Variants in MAP3K2 observed in about 807,000 individuals in gnomAD.
MAP3K2 encodes MAP/ERK kinase kinase 2.
In MAP3K2, 24 loss-of-function variants were observed where a neutral mutation model predicts 80.3. The observed-to-expected ratio is 0.30, with a 90% CI of 0.22 to 0.42. The LOEUF is 0.42. MAP3K2 is among the 10% of genes least tolerant of loss of function. The pLI, the probability that MAP3K2 is intolerant of heterozygous loss-of-function variation, is 1.00. For synonymous variants in MAP3K2, 244 were observed against 253.7 expected (o/e 0.96, Z 0.36); for missense variants, 608 against 750.1 (o/e 0.81, Z 2.21).
At chr2:127,348,996 C>T (rs1686644274) in intron 1 of MAP3K2, among the ~76,000 whole-genome samples, 1 of 152,100 alleles carries the variant, frequency 6.6e-6, no homozygotes, top group African/African-American at 2.4e-5. Context: ...ACAAAAACAA[C>T]CATGTTATCC....
At chr2:127,320,271 G>A (rs947434587) in intron 12 of MAP3K2, among the ~76,000 whole-genome samples, 1 of 152,170 alleles carries the variant, frequency 6.6e-6, no homozygotes, top group Non-Finnish European at 1.5e-5. Context: ...ATGAACAGAT[G>A]GTGAACAGAG....
At position 127,308,579 on chromosome 2, in the gene MAP3K2, A is replaced by C; in HGVS notation, c.1634+6T>G. The C allele has an allele frequency of 6.5e-7, 1 of 1,546,226 alleles. No homozygotes were observed. Among genetic ancestry groups the C allele is most frequent in the Non-Finnish European group, 8.8e-7 (1 of 1,137,046 alleles). On this transcript the variant is annotated splice_donor_region_variant and intron_variant, in intron 16 of 16. Coordinates refer to ENST00000682094, the MANE Select transcript of MAP3K2 (RefSeq NM_001371910.2). ...GTTTTCAAGCAAACTTCGTATCAAA[A>C]CCTACCAGATGTCTGCTTTTCTTCC... is the stretch of plus-strand genomic sequence containing the variant.
At chr2:127,313,222 C>T (rs545023573) in intron 15 of MAP3K2, among the ~76,000 whole-genome samples, 8 of 152,306 alleles carry the variant, frequency 5.3e-5, no homozygotes, top group South Asian at 2.1e-4. Flanking sequence ...AAGATCCACT[C>T]GGCGGGTAGC....
At position 127,305,129 on chromosome 2, in the gene MAP3K2, T is replaced by A. The variant is rs946189933; in HGVS notation, c.*2450A>T. 3.3e-5 allele frequency: 5 copies of A among 152,528 alleles called. No individual in the cohort carries two copies. The East Asian group carries it at 7.7e-4, about 24-fold the overall frequency. The allele number at this position is 152,528 out of a possible 1,614,324, so 9.4% of individuals were successfully genotyped here. A position where few individuals can be genotyped will look rare whatever the true frequency, so the allele number is the denominator to read the frequency against. On this transcript the variant is annotated 3_prime_UTR_variant, in exon 17 of 17. Coordinates refer to ENST00000682094, the MANE Select transcript of MAP3K2 (RefSeq NM_001371910.2). Reference sequence around the variant, plus strand: ...GTTCTACAGTCTCACCAGATTTCTCTCTAAAGAGCATTTGTCTCATATTGT... The same window carrying A: ...GTTCTACAGTCTCACCAGATTTCTCACTAAAGAGCATTTGTCTCATATTGT...
At chr2:127,326,662 T>C in intron 8 of MAP3K2, 25 bp downstream of exon 8, 1 of 1,504,242 alleles carries the variant, frequency 6.6e-7, no homozygotes, top group Non-Finnish European at 8.9e-7. Flanking sequence ...TTAAATTAAA[T>C]TTAAAAAATC....
At chr2:127,379,417 G>A (rs1396337707) in intron 1 of MAP3K2, among the ~76,000 whole-genome samples, 2 of 152,146 alleles carry the variant, frequency 1.3e-5, no homozygotes, top group African/African-American at 4.8e-5. Context: ...TTTTACAGAG[G>A]AGTGAGGCTT....
intron 1 of MAP3K2, among the ~76,000 whole-genome samples, chr2:127,350,862 T>C (rs199816360): frequency 5.3e-5 from 8 of 151,884 alleles, no homozygotes; most frequent in East Asian, 1.9e-4. Flanking sequence ...ATTAAAATCA[T>C]GTACCTAACT....
intron 1 of MAP3K2, among the ~76,000 whole-genome samples, chr2:127,368,464 T>C (rs934416221): frequency 6.6e-6 from 1 of 151,286 alleles, no homozygotes; most frequent in Non-Finnish European, 1.5e-5. Context: ...CTACTAAAAA[T>C]ACAAAAAATT....
At chr2:127,358,593 C>T (rs545122855) in intron 1 of MAP3K2, among the ~76,000 whole-genome samples, 1 of 152,278 alleles carries the variant, frequency 6.6e-6, no homozygotes, top group Non-Finnish European at 1.5e-5. Context: ...TATCAAGTCA[C>T]AGAAAAGTCA....
In MAP3K2 at chr2:127,306,335, T is replaced by C. The variant is rs1685698156; in HGVS notation, c.*1244A>G. The C allele has an allele frequency of 6.6e-6, 1 of 152,192 alleles. No individual in the cohort carries two copies. The highest frequency in any genetic ancestry group is 2.1e-4 in the South Asian group (1 of 4,838). 9.4% of individuals were successfully genotyped at this position (152,192 alleles called of 1,614,324 possible). ...TGCTTTCCTTGTGTATTATAATCTA[T>C]TTAGCAACATCCCTGGCCTCTACCC... On this transcript the variant is annotated 3_prime_UTR_variant, in exon 17 of 17. Coordinates refer to ENST00000682094, the MANE Select transcript of MAP3K2 (RefSeq NM_001371910.2). This position sits in a 1 kb window ranked among gnomAD's most constrained non-coding sequence, Gnocchi z 4.7.
At chr2:127,345,873 A>G (rs912304891) in intron 1 of MAP3K2, among the ~76,000 whole-genome samples, 5 of 152,194 alleles carry the variant, frequency 3.3e-5, no homozygotes, top group Non-Finnish European at 7.3e-5. Context: ...GATAAAATTT[A>G]TAACTGTAAA....
chr2:127,309,614 G>A (rs997582097), intron 15 of MAP3K2, among the ~76,000 whole-genome samples: 1 of 152,056 alleles, frequency 6.6e-6, no homozygotes, highest in Non-Finnish European at 1.5e-5. Flanking sequence ...TAGTCATCGT[G>A]TCCCCTGAGG....
In MAP3K2 at chr2:127,339,906, A is replaced by G. The variant is rs189812290; in HGVS notation, c.5-856T>C. 6.6e-6 allele frequency among the ~76,000 whole-genome samples: 1 copy of G among 152,332 alleles called. No homozygotes were observed. ...GAGACTTTACACTTTACATTTTAAAATGTAACCATTTTGGTGAGCAGTAAC... is the reference window on the plus strand; with the variant it reads ...GAGACTTTACACTTTACATTTTAAAGTGTAACCATTTTGGTGAGCAGTAAC... On this transcript the variant is annotated intron_variant, in intron 2 of 16. Transcript: ENST00000682094. The surrounding 1 kb of genome is among the most constrained non-coding windows in gnomAD (Gnocchi z 4.2).
Position 127,318,320 on chromosome 2 carries a change from GA to G in MAP3K2, c.1046-4del. ...CCAGTTGGTCGGAGCTCGAGGTGCT[GA>G]AAAAGAACACTTTCTTAAAGTGAAA... On this transcript the variant is annotated splice_region_variant and splice_polypyrimidine_tract_variant and intron_variant, in intron 12 of 16. Coordinates refer to ENST00000682094, the MANE Select transcript of MAP3K2 (RefSeq NM_001371910.2). 1.3e-6 allele frequency: 2 copies of G among 1,575,668 alleles called. No homozygotes were observed. The highest frequency in any genetic ancestry group is 1.9e-5 in the Admixed American group (1 of 51,368).
chr2:127,362,217 T>TA (rs1267427084), intron 1 of MAP3K2, among the ~76,000 whole-genome samples: 1 of 152,258 alleles, frequency 6.6e-6, no homozygotes, highest in Non-Finnish European at 1.5e-5. Flanking sequence ...ATTTGCCACT[T>TA]ACCAGGTGTG....
rs1685719753 is a variant in MAP3K2 at position 127,307,302 on chromosome 2, T to C, written c.*277A>G. 1 of 200,876 alleles carries C rather than the reference T, an allele frequency of 5.0e-6. No individual in the cohort carries two copies. The highest frequency in any genetic ancestry group is 1.0e-5 in the Non-Finnish European group (1 of 100,096). The allele number at this position is 200,876 out of a possible 1,614,324, so 12.4% of individuals were successfully genotyped here. A position where few individuals can be genotyped will look rare whatever the true frequency, so the allele number is the denominator to read the frequency against. On this transcript the variant is annotated 3_prime_UTR_variant, in exon 17 of 17. Coordinates refer to ENST00000682094, the MANE Select transcript of MAP3K2 (RefSeq NM_001371910.2). This position sits in a 1 kb window ranked among gnomAD's most constrained non-coding sequence, Gnocchi z 5.4. ...TTGTTTGTACTAAAAAGAGTGACTA[T>C]GTACTAAAGTGCTTTATCTCTCTGA... is the stretch of plus-strand genomic sequence containing the variant.
chr2:127,304,150 T>C lies in MAP3K2; in HGVS notation c.*3429A>G, dbSNP rs764613860. 1 of 152,166 alleles carries C rather than the reference T, an allele frequency of 6.6e-6. No individual in the cohort carries two copies. The highest frequency in any genetic ancestry group is 1.5e-5 in the Non-Finnish European group (1 of 68,014). The allele number at this position is 152,166 out of a possible 1,614,324, so 9.4% of individuals were successfully genotyped here. A position where few individuals can be genotyped will look rare whatever the true frequency, so the allele number is the denominator to read the frequency against. ...ATATTTTAATTCCTTATATATGTTA[T>C]GTAAGGGTAACTGTGCCTTTTAAAA... On this transcript the variant is annotated 3_prime_UTR_variant, in exon 17 of 17. Transcript: ENST00000682094.
At chr2:127,343,864 C>CA (rs1194719185) in intron 1 of MAP3K2, among the ~76,000 whole-genome samples, 1 of 151,812 alleles carries the variant, frequency 6.6e-6, no homozygotes, top group Non-Finnish European at 1.5e-5. Flanking sequence ...CAAAAAAATA[C>CA]AAAAATTAGC....
rs147068060 is a variant in MAP3K2, at chr2:127,387,392, A to ACGCGCGCGCGCG, written c.-66+59_-66+60insCGCGCGCGCGCG. The ACGCGCGCGCGCG allele has an allele frequency of 3.1e-4, 103 of 333,626 alleles. 5 individuals are homozygous for ACGCGCGCGCGCG. The highest frequency in any genetic ancestry group is 4.0e-4 in the Non-Finnish European group (97 of 239,952). 20.7% of individuals were successfully genotyped at this position (333,626 alleles called of 1,614,324 possible). A position where few individuals can be genotyped will look rare whatever the true frequency, so the allele number is the denominator to read the frequency against. On this transcript the variant is annotated intron_variant, in intron 1 of 16. Transcript: ENST00000682094. Reference sequence around the variant, plus strand: ...GCCCAGCCCGCGGCCCCCGACACACACGCGCGCACACACACACACACACAC... The same window carrying ACGCGCGCGCGCG: ...GCCCAGCCCGCGGCCCCCGACACACACGCGCGCGCGCGCGCGCGCACACACACACACACACAC...
Sources: allele counts gnomAD v4.1 joint callset (sites outside exome capture counted in the v4.1 genomes callset), GRCh38; gene constraint gnomAD v4.1.1; non-coding constraint Gnocchi (gnomAD v3.1); transcripts MANE v1.5; gene names NCBI Gene and HGNC (gene_info 2026-07-23, HGNC 2026-07-21).